The following BCL2 variants were observed in gnomAD, a reference collection of about 807,000 sequenced individuals.
The protein encoded by BCL2 is BCL2 apoptosis regulator.
A neutral mutation model predicts 14.2 loss-of-function variants in BCL2; 1 was observed. The observed-to-expected ratio is 0.07, with a 90% CI of 0.02 to 0.33. The LOEUF (loss-of-function observed/expected upper bound fraction) is 0.33. Among genes scored for constraint, BCL2 ranks in the 10% least tolerant of loss-of-function variants. The pLI, the probability that BCL2 is intolerant of heterozygous loss-of-function variation, is 0.99. For missense variants in BCL2, 247 were observed against 305.9 expected, an observed-to-expected ratio of 0.81 and a Z score of 1.44; for synonymous variants, 151 against 137.2, an observed-to-expected ratio of 1.10 and a Z score of -0.70.
At chr18:63,193,580 GTA>G (rs373315833) in intron 2 of BCL2, among the ~76,000 whole-genome samples, 1,630 of 130,090 alleles carry the variant, frequency 0.013, 19 homozygotes, top group African/African-American at 0.029. Flanking sequence ...GGAGTAGTAT[GTA>G]TGTGTGTGTG....
chr18:63,236,857 G>A (rs1193459961), intron 2 of BCL2, among the ~76,000 whole-genome samples: 4 of 152,184 alleles, frequency 2.6e-5, no homozygotes, highest in Admixed American at 2.6e-4. Context: ...TCCCTTTTCT[G>A]CTCTGGGCTC....
chr18:63,314,748 A>G (rs1024083141), intron 2 of BCL2: 6 of 152,256 alleles, frequency 3.9e-5, no homozygotes, highest in Non-Finnish European at 8.8e-5. Flanking sequence ...ATGAGGGGAT[A>G]AAATAATAAC....
At chr18:63,144,751 T>C (rs993319968) in intron 2 of BCL2, among the ~76,000 whole-genome samples, 1 of 152,130 alleles carries the variant, frequency 6.6e-6, no homozygotes, top group African/African-American at 2.4e-5. Context: ...GCCACCCTGG[T>C]GGGTCCTAAA....
intron 2 of BCL2, among the ~76,000 whole-genome samples, chr18:63,266,656 C>CAAAAAA (rs1555705644): frequency 6.7e-6 from 1 of 150,344 alleles, no homozygotes; most frequent in African/African-American, 2.5e-5. Context: ...CACACACACA[C>CAAAAAA]AAAAATATAT....
chr18:63,163,756 T>G (rs565122393), intron 2 of BCL2, among the ~76,000 whole-genome samples: 65 of 152,318 alleles, frequency 4.3e-4, no homozygotes, highest in Admixed American at 1.2e-3. Context: ...CATAGTGACT[T>G]TAAAAAGTAG....
chr18:63,260,695 T>A (rs1911631951), intron 2 of BCL2, among the ~76,000 whole-genome samples: 1 of 136,676 alleles, frequency 7.3e-6, no homozygotes, highest in African/African-American at 2.5e-5. Context: ...GCCAATTGAT[T>A]TTAAAAATGG....
At chr18:63,261,492 T>C (rs1911657404) in intron 2 of BCL2, among the ~76,000 whole-genome samples, 1 of 152,180 alleles carries the variant, frequency 6.6e-6, no homozygotes, top group Non-Finnish European at 1.5e-5. Flanking sequence ...CAACTGCTCA[T>C]TTCATTAGCT....
chr18:63,271,539 G>A (rs766803734), intron 2 of BCL2, among the ~76,000 whole-genome samples: 3 of 152,104 alleles, frequency 2.0e-5, no homozygotes, highest in Non-Finnish European at 4.4e-5. Context: ...GGATGAACTC[G>A]CCGATTCAAC....
intron 2 of BCL2, among the ~76,000 whole-genome samples, chr18:63,228,576 A>C (rs1910607802): frequency 6.6e-6 from 1 of 152,226 alleles, no homozygotes; most frequent in East Asian, 1.9e-4. Context: ...GGACTTTCTC[A>C]TTTGTTCACT....
At chr18:63,284,167 C>G (rs1304611565) in intron 2 of BCL2, among the ~76,000 whole-genome samples, 2 of 152,098 alleles carry the variant, frequency 1.3e-5, no homozygotes, top group Non-Finnish European at 2.9e-5. Flanking sequence ...CTCTCCAGCC[C>G]AGATATTTTT....
intron 2 of BCL2, among the ~76,000 whole-genome samples, chr18:63,255,729 T>C (rs1599272565): frequency 6.6e-6 from 1 of 152,024 alleles, no homozygotes; most frequent in African/African-American, 2.4e-5. Context: ...CTCTCAGGGA[T>C]GTTGTGAAGA....
At chr18:63,265,221 C>G (rs574343537) in intron 2 of BCL2, among the ~76,000 whole-genome samples, 16 of 152,208 alleles carry the variant, frequency 1.1e-4, no homozygotes, top group African/African-American at 3.1e-4. Flanking sequence ...GCCACAATGG[C>G]AAGGGGAAAG....
intron 2 of BCL2, among the ~76,000 whole-genome samples, chr18:63,142,947 C>T (rs1043009575): frequency 6.6e-6 from 1 of 152,186 alleles, no homozygotes; most frequent in Non-Finnish European, 1.5e-5. Context: ...GGGAAGACAG[C>T]AGACCTCTCT....
chr18:63,128,882 G>A, intron 2 of BCL2, 123 bp from the exon 3 acceptor site: 1 of 593,392 alleles, frequency 1.7e-6, no homozygotes. Flanking sequence ...AGGGTGAGAG[G>A]GGAAAAGGCA....
chr18:63,265,374 AC>A (rs767833961), intron 2 of BCL2, among the ~76,000 whole-genome samples: 13 of 152,188 alleles, frequency 8.5e-5, no homozygotes, highest in Non-Finnish European at 1.6e-4. Context: ...GTCACCTGTA[AC>A]CCTGGGATAT....
Position 63,126,693 on chromosome 18 carries a change from A to C in BCL2, c.*1932T>G. The C allele has an allele frequency of 4.4e-6, 1 of 226,592 alleles. No homozygotes were observed. The highest frequency in any genetic ancestry group is 8.8e-6 in the Non-Finnish European group (1 of 113,844). 14.0% of individuals were successfully genotyped at this position (226,592 alleles called of 1,614,324 possible). On this transcript the variant is annotated 3_prime_UTR_variant, in exon 3 of 3. Coordinates refer to ENST00000333681, the MANE Select transcript of BCL2 (RefSeq NM_000633.3). Reference sequence around the variant, plus strand: ...TCAGGGCTTATCTCACCTTCTCAGAATGCTTTTGAAGAATCAAGAGATAAA... The same window carrying C: ...TCAGGGCTTATCTCACCTTCTCAGACTGCTTTTGAAGAATCAAGAGATAAA...
At chr18:63,239,758 G>A (rs1361369865) in intron 2 of BCL2, among the ~76,000 whole-genome samples, 1 of 151,240 alleles carries the variant, frequency 6.6e-6, no homozygotes, top group Non-Finnish European at 1.5e-5. Context: ...AAAAAAATCA[G>A]AACTCTTTAT....
At chr18:63,137,044 T>A (rs1396272089) in intron 2 of BCL2, among the ~76,000 whole-genome samples, 1 of 152,244 alleles carries the variant, frequency 6.6e-6, no homozygotes, top group Non-Finnish European at 1.5e-5. Flanking sequence ...CTGAGTCTTG[T>A]GCTTTGCCTG....
chr18:63,150,501 G>A (rs539330096), intron 2 of BCL2, among the ~76,000 whole-genome samples: 4 of 151,914 alleles, frequency 2.6e-5, no homozygotes, highest in African/African-American at 7.2e-5. Flanking sequence ...TTCCCTCTGC[G>A]TCTGAGGTTG....
Sources: allele counts gnomAD v4.1 joint callset (sites outside exome capture counted in the v4.1 genomes callset), GRCh38; gene constraint gnomAD v4.1.1; transcripts MANE v1.5; gene names NCBI Gene and HGNC (gene_info 2026-07-23, HGNC 2026-07-21).